The following MAB21L3 variants were observed in gnomAD, a reference collection of about 807,000 sequenced individuals.
The protein encoded by MAB21L3 is mab-21 like 3, also known as protein mab-21-like 3.
A neutral mutation model predicts 37.7 loss-of-function variants in MAB21L3; 36 were observed. The ratio of observed to expected loss-of-function variants is 0.96; its 90% CI spans 0.73 to 1.26. MAB21L3 has a LOEUF of 1.26. Among genes scored for constraint, MAB21L3 ranks in the 50% most tolerant of loss-of-function variants. The probability of loss-of-function intolerance (pLI) is 0.00; values close to 1 mark genes in which losing one functional copy is unlikely to be tolerated. For synonymous variants in MAB21L3, 186 were observed against 176.8 expected (o/e 1.05, Z -0.41); for missense variants, 430 against 447.3 (o/e 0.96, Z 0.35).
chr1:116,116,210 A>G (rs1659584236), intron 3 of MAB21L3, among the ~76,000 whole-genome samples: 1 of 152,146 alleles, frequency 6.6e-6, no homozygotes, highest in Admixed American at 6.5e-5. Flanking sequence ...TTGTCACACC[A>G]TGAGGGTGAC....
chr1:116,127,740 T>A, intron 6 of MAB21L3, 96 bp downstream of exon 6: 2 of 1,319,700 alleles, frequency 1.5e-6, no homozygotes, highest in Non-Finnish European at 2.0e-6. Flanking sequence ...CGAAGGAAAG[T>A]TGAGGTGTTA....
At chr1:116,115,561 T>G (rs551901013) in intron 3 of MAB21L3, among the ~76,000 whole-genome samples, 1 of 152,176 alleles carries the variant, frequency 6.6e-6, no homozygotes, top group Non-Finnish European at 1.5e-5. Flanking sequence ...TAACACTCAT[T>G]GGGAATGACA....
In MAB21L3 at chr1:116,136,038, A is replaced by C. The variant is rs1296505675; in HGVS notation, c.*2673A>C. Among the ~76,000 whole-genome samples, 1 of 149,442 alleles carries C rather than the reference A, an allele frequency of 6.7e-6. No homozygotes were observed. The highest frequency in any genetic ancestry group is 1.5e-5 in the Non-Finnish European group (1 of 67,504). The stretch of plus-strand genomic sequence containing the variant: ...GCAATATCATACTGAATGGGCAAAA[A>C]CTGGAAGCATTCCCTTTGAAAACTG... On this transcript the variant is annotated 3_prime_UTR_variant, in exon 8 of 8. Transcript: ENST00000369500.
At chr1:116,132,030 G>A (rs1660078600) in intron 7 of MAB21L3, among the ~76,000 whole-genome samples, 2 of 152,190 alleles carry the variant, frequency 1.3e-5, no homozygotes, top group Non-Finnish European at 2.9e-5. Context: ...AGCAACTCTG[G>A]AGGCAGATCA....
At chr1:116,120,439 A>G (rs1659712984) in intron 3 of MAB21L3, among the ~76,000 whole-genome samples, 1 of 137,092 alleles carries the variant, frequency 7.3e-6, no homozygotes, top group East Asian at 2.0e-4. Context: ...ACAAACACAC[A>G]CACACACACA....
chr1:116,134,530 A>G lies in MAB21L3; in HGVS notation c.*1165A>G, dbSNP rs1192921321. On this transcript the variant is annotated 3_prime_UTR_variant, in exon 8 of 8. Transcript: ENST00000369500. ...AGCTGAAGGGGAAGGAAAAGTGACCAAAGGCAGGCATGGTGGGGCTGGCAT... is the reference window on the plus strand; with the variant it reads ...AGCTGAAGGGGAAGGAAAAGTGACCGAAGGCAGGCATGGTGGGGCTGGCAT... 1.3e-5 allele frequency: 2 copies of G among 152,342 alleles called. No individual in the cohort carries two copies. The highest frequency in any genetic ancestry group is 2.9e-5 in the Non-Finnish European group (2 of 68,082). The allele number at this position is 152,342 out of a possible 1,614,324, so 9.4% of individuals were successfully genotyped here.
intron 7 of MAB21L3, among the ~76,000 whole-genome samples, chr1:116,131,459 G>C (rs1434125148): frequency 6.6e-6 from 1 of 152,200 alleles, no homozygotes; most frequent in African/African-American, 2.4e-5. Flanking sequence ...ACCACATTAA[G>C]GATGATGTTT....
chr1:116,130,784 T>C (rs917980317), intron 7 of MAB21L3, among the ~76,000 whole-genome samples: 3 of 152,220 alleles, frequency 2.0e-5, no homozygotes, highest in Non-Finnish European at 2.9e-5. Flanking sequence ...TCAAAATACA[T>C]TGGCTTGCTT....
intron 5 of MAB21L3, 148 bp downstream of exon 5, chr1:116,124,505 T>C: frequency 1.3e-6 from 1 of 762,680 alleles, no homozygotes; most frequent in Non-Finnish European, 2.0e-6. Context: ...CTTCATAATA[T>C]GAATCAGCTT....
rs780011560 is a variant in MAB21L3 at position 116,133,382 on chromosome 1, G to A, written c.*17G>A. 96 of 1,599,980 alleles carry A rather than the reference G, an allele frequency of 6.0e-5. No homozygotes were observed. Among genetic ancestry groups the A allele is most frequent in the Non-Finnish European group, 8.1e-5 (95 of 1,167,298 alleles). Reference sequence around the variant, plus strand: ...CCGCCCTGATGGTTGCCCCGGCCTGGGAGGCTCTTGGACATTTTATTCTGG... The same window carrying A: ...CCGCCCTGATGGTTGCCCCGGCCTGAGAGGCTCTTGGACATTTTATTCTGG... On this transcript the variant is annotated 3_prime_UTR_variant, in exon 8 of 8. Coordinates refer to ENST00000369500, the MANE Select transcript of MAB21L3 (RefSeq NM_152367.3).
At chr1:116,113,092 ATAT>A (rs963795173) in intron 3 of MAB21L3, among the ~76,000 whole-genome samples, 3 of 152,218 alleles carry the variant, frequency 2.0e-5, no homozygotes, top group South Asian at 4.1e-4. Flanking sequence ...AGGTTTTTAA[ATAT>A]TATTATATTT....
intron 3 of MAB21L3, among the ~76,000 whole-genome samples, chr1:116,120,232 A>G (rs1414995515): frequency 6.6e-6 from 1 of 152,118 alleles, no homozygotes; most frequent in Non-Finnish European, 1.5e-5. Context: ...GAGGAGGAAC[A>G]TGGAATCTGC....
In MAB21L3 at chr1:116,135,078, A is replaced by T. The variant is rs1333939414; in HGVS notation, c.*1713A>T. The T allele has an allele frequency of 6.6e-6, 1 of 152,154 alleles. No homozygotes were observed. Among genetic ancestry groups the T allele is most frequent in the African/African-American group, 2.4e-5 (1 of 41,448 alleles). 9.4% of individuals were successfully genotyped at this position (152,154 alleles called of 1,614,324 possible). The stretch of plus-strand genomic sequence containing the variant: ...TCACAATTAAAAGAACTAGAAAAGC[A>T]AGAGCAAACACATTCAAAAGCTAGC... On this transcript the variant is annotated 3_prime_UTR_variant, in exon 8 of 8. Transcript: ENST00000369500.
chr1:116,133,083 C>A, intron 7 of MAB21L3, 49 bp from the exon 8 acceptor site: 2 of 1,468,132 alleles, frequency 1.4e-6, no homozygotes, highest in Non-Finnish European at 1.9e-6. Context: ...CCAAGCTATC[C>A]TCCTCAATTG....
chr1:116,127,187 C>T (rs529393187), intron 5 of MAB21L3, among the ~76,000 whole-genome samples: 16 of 152,082 alleles, frequency 1.1e-4, no homozygotes, highest in Admixed American at 3.3e-4. Context: ...GAAAAGGTAC[C>T]CCAAATGCCT....
chr1:116,117,160 T>TAC (rs141948357), intron 3 of MAB21L3, among the ~76,000 whole-genome samples: 3,288 of 101,456 alleles, frequency 0.032, 172 homozygotes, highest in African/African-American at 0.12. Flanking sequence ...AAAATATACA[T>TAC]ACATATATAT....
Position 116,130,172 on chromosome 1 carries a change from A to C in MAB21L3, c.855+1833A>C, listed in dbSNP as rs186521187. On this transcript the variant is annotated intron_variant, in intron 7 of 7. Coordinates refer to ENST00000369500, the MANE Select transcript of MAB21L3 (RefSeq NM_152367.3). The stretch of plus-strand genomic sequence containing the variant: ...ATGGAAATACCATTCGGTGACATGA[A>C]TATTTCAGGCAGGATTGAATGGGGC... Among the ~76,000 whole-genome samples, 178 of 152,344 alleles carry C rather than the reference A, an allele frequency of 1.2e-3. 2 individuals are homozygous for C. Among genetic ancestry groups the C allele is most frequent in the Middle Eastern group, 6.8e-3 (2 of 294 alleles).
At chr1:116,132,596 C>A (rs958913812) in intron 7 of MAB21L3, among the ~76,000 whole-genome samples, 3 of 152,170 alleles carry the variant, frequency 2.0e-5, no homozygotes, top group African/African-American at 7.2e-5. Context: ...AGAGCCGACT[C>A]TCCAGAGAAG....
Position 116,133,114 on chromosome 1 carries a change from C to G in MAB21L3, c.856-18C>G. On this transcript the variant is annotated intron_variant, in intron 7 of 7. Coordinates refer to ENST00000369500, the MANE Select transcript of MAB21L3 (RefSeq NM_152367.3). ...AATTGCCCGAAACAATGTCTGACAG[C>G]ACTTCTCCCTTCCACAGACTGTGCT... The G allele has an allele frequency of 1.3e-6, 2 of 1,594,880 alleles. No individual in the cohort carries two copies. Among genetic ancestry groups the G allele is most frequent in the Middle Eastern group, 1.7e-4 (1 of 6,040 alleles).
Sources: allele counts gnomAD v4.1 joint callset (sites outside exome capture counted in the v4.1 genomes callset), GRCh38; gene constraint gnomAD v4.1.1; transcripts MANE v1.5; gene names NCBI Gene and HGNC (gene_info 2026-07-23, HGNC 2026-07-21).